The following FGD3 variants were observed in gnomAD, a reference collection of about 807,000 sequenced individuals.
The protein encoded by FGD3 is FYVE, RhoGEF and PH domain-containing protein 3.
Under a neutral mutation model 71.8 loss-of-function variants are expected in FGD3, and 45 were observed. The ratio of observed to expected loss-of-function variants is 0.63; its 90% confidence interval spans 0.49 to 0.80. The LOEUF is 0.80. FGD3 is among the 30% of genes least tolerant of loss of function. The probability of loss-of-function intolerance (pLI) is 0.00; values close to 1 mark genes in which losing one functional copy is unlikely to be tolerated. For missense variants in FGD3, 844 were observed against 951.5 expected, an observed-to-expected ratio of 0.89 and a Z score of 1.49; for synonymous variants, 378 against 392.8, an observed-to-expected ratio of 0.96 and a Z score of 0.44.
At chr9:93,011,637 C>T (rs917175351) in intron 8 of FGD3, among the ~76,000 whole-genome samples, 1 of 152,066 alleles carries the variant, frequency 6.6e-6, no homozygotes, top group Admixed American at 6.5e-5. Flanking sequence ...GCGGGCGGAT[C>T]ATGAGGTCAG....
chr9:92,993,952 G>GT (rs1860526505), intron 3 of FGD3, among the ~76,000 whole-genome samples: 1 of 152,080 alleles, frequency 6.6e-6, no homozygotes, highest in South Asian at 2.1e-4. Flanking sequence ...TTATAGCAGC[G>GT]TGATTTATAA....
intron 11 of FGD3, among the ~76,000 whole-genome samples, chr9:93,019,386 T>C (rs1861826982): frequency 6.6e-6 from 1 of 152,186 alleles, no homozygotes; most frequent in Admixed American, 6.6e-5. Flanking sequence ...CTGCAAGCAG[T>C]GTCCTTGTTT....
chr9:92,987,650 G>T (rs1302921168), intron 3 of FGD3, among the ~76,000 whole-genome samples: 1 of 152,056 alleles, frequency 6.6e-6, no homozygotes, highest in Non-Finnish European at 1.5e-5. Context: ...TTCTGCACTG[G>T]CATGCTTCCA....
chr9:93,029,813 C>T lies in FGD3; in HGVS notation c.1558-61C>T, dbSNP rs148514300. ...GTCACGAGAGCTGCCACTCCACTGC[C>T]GTGTGGGGTAGGGTGCACACATGAT... On this transcript the variant is annotated intron_variant, in intron 14 of 17. Transcript: ENST00000375482. 5,017 of 1,575,390 alleles carry T rather than the reference C, an allele frequency of 3.2e-3. 123 individuals are homozygous for T. The Admixed American group carries it at 0.054, about 17-fold the overall frequency.
chr9:93,002,994 C>A lies in FGD3; in HGVS notation c.523C>A (p.Arg175=). ...GCACACCGAGGAGACCTATGTGAAG[C>A]GGCTGCACCTGCTGGACCAGGTAGC... ...LLHTEETYVK[R]LHLLDQVFCT... The change falls in exon 4 of 18, where the codon CGG becomes AGG. Residue 175 remains arginine, a synonymous_variant. Transcript: ENST00000375482. 1.2e-6 allele frequency: 2 copies of A among 1,614,150 alleles called. No individual in the cohort carries two copies. Among genetic ancestry groups the A allele is most frequent in the Non-Finnish European group, 1.7e-6 (2 of 1,180,036 alleles).
chr9:92,957,677 C>CTTTTT lies in FGD3; in HGVS notation c.-218+9963_-218+9967dup, dbSNP rs60726578. Among the ~76,000 whole-genome samples the CTTTTT allele has an allele frequency of 6.0e-3, 615 of 102,090 alleles. 1 individual carries two copies. The highest frequency in any genetic ancestry group is 0.011 in the Middle Eastern group (2 of 174). The allele number at this position is 102,090 out of a possible 152,430, so 67.0% of individuals were successfully genotyped here. ...TGATTTGTCTTTGAAATTTTCTTTT[C>CTTTTT]TTTTTTTTTTTTTTTTTTTGAGACA... On this transcript the variant is annotated intron_variant, in intron 1 of 17. Transcript: ENST00000375482.
chr9:93,032,491 G>A lies in FGD3; in HGVS notation c.1681-278G>A, dbSNP rs530600845. On this transcript the variant is annotated intron_variant, in intron 15 of 17. Coordinates refer to ENST00000375482, the MANE Select transcript of FGD3 (RefSeq NM_001083536.2). ...TGGGGCATCTTCCCCTGTGCTTGGT[G>A]GCTCTTCACACTCTTCCTCCCACGC... 389 of 386,604 alleles carry A rather than the reference G, an allele frequency of 1.0e-3. 13 individuals are homozygous for A. In the South Asian group the frequency reaches 0.017, roughly 17 times the overall value. 23.9% of individuals were successfully genotyped at this position (386,604 alleles called of 1,614,324 possible). A position where few individuals can be genotyped will look rare whatever the true frequency, so the allele number is the denominator to read the frequency against.
At chr9:92,950,710 A>G (rs7859461) in intron 1 of FGD3, among the ~76,000 whole-genome samples, 49,416 of 152,054 alleles carry the variant, frequency 0.32, 8,424 homozygotes, top group Middle Eastern at 0.43. Context: ...TAGGGCCCTC[A>G]TGAACTGTGG....
intron 3 of FGD3, among the ~76,000 whole-genome samples, chr9:92,997,548 G>A (rs1860695016): frequency 2.6e-5 from 4 of 152,198 alleles, no homozygotes. Flanking sequence ...CTCGTTAGTT[G>A]ATGCAGTTTC....
chr9:92,985,192 C>T (rs1186963160), intron 3 of FGD3, among the ~76,000 whole-genome samples: 1 of 152,222 alleles, frequency 6.6e-6, no homozygotes, highest in Non-Finnish European at 1.5e-5. Context: ...GCTTCCCACG[C>T]CAATGGCAGT....
chr9:93,020,005 G>A (rs1314990577), intron 12 of FGD3, 144 bp downstream of exon 12: 3 of 860,584 alleles, frequency 3.5e-6, no homozygotes, highest in African/African-American at 3.4e-5. Context: ...TGACCACACT[G>A]TGCCTTCATA....
intron 3 of FGD3, among the ~76,000 whole-genome samples, chr9:92,994,656 TG>T (rs1184967323): frequency 1.3e-5 from 2 of 152,212 alleles, no homozygotes; most frequent in Non-Finnish European, 2.9e-5. Flanking sequence ...TTGTATAAGA[TG>T]TAAGGAAGGG....
chr9:92,959,706 C>CA (rs10658844), intron 1 of FGD3, among the ~76,000 whole-genome samples: 6,826 of 80,494 alleles, frequency 0.085, 566 homozygotes, highest in East Asian at 0.32. Flanking sequence ...AACTCAGTCT[C>CA]AAAAAAAAAA....
chr9:92,974,281 T>G (rs1023759001), intron 1 of FGD3, among the ~76,000 whole-genome samples: 1 of 152,220 alleles, frequency 6.6e-6, no homozygotes, highest in Admixed American at 6.5e-5. Context: ...CTGCCATGTT[T>G]GACCTCTGGA....
At chr9:93,019,942 GGGCCCTGGCCTCCGGGACTGCT>G in intron 12 of FGD3, 81 bp downstream of exon 12, 1 of 1,492,168 alleles carries the variant, frequency 6.7e-7, no homozygotes, top group Non-Finnish European at 9.4e-7. Context: ...CAGAGGGTGG[GGGCCCTGGCCTCCGGGACTGCT>G]GGCCCTGTGC....
chr9:92,972,698 T>G, intron 1 of FGD3, among the ~76,000 whole-genome samples: 1 of 152,110 alleles, frequency 6.6e-6, no homozygotes, highest in Admixed American at 6.5e-5. Flanking sequence ...ATATTTTTTT[T>G]GTCCACCCCT....
intron 3 of FGD3, among the ~76,000 whole-genome samples, chr9:92,982,327 A>G (rs750877607): frequency 7.9e-5 from 12 of 152,280 alleles, no homozygotes; most frequent in Non-Finnish European, 1.5e-4. Context: ...TCATATTTTT[A>G]TGACTCAGTA....
chr9:93,010,293 G>C lies in FGD3; in HGVS notation c.885G>C (p.Glu295Asp). ...GNLTLQHHML[E>D]PVQRVPRYEL... Reference sequence around the variant, plus strand: ...TGACGCTGCAGCACCACATGCTGGAGCCCGTGCAGAGGGTCCCCCGGTACG... The same window carrying C: ...TGACGCTGCAGCACCACATGCTGGACCCCGTGCAGAGGGTCCCCCGGTACG... Residue 295 changes from glutamate (E) to aspartate (D), a missense_variant, in exon 7 of 18, where the codon GAG (glutamate) becomes GAC (aspartate). By Grantham distance (45) the Glu-to-Asp change is conservative. Transcript: ENST00000375482. The C allele has an allele frequency of 6.2e-7, 1 of 1,613,744 alleles. No homozygotes were observed. Among genetic ancestry groups the C allele is most frequent in the Non-Finnish European group, 8.5e-7 (1 of 1,179,680 alleles).
chr9:92,976,273 G>T lies in FGD3; in HGVS notation c.17G>T (p.Gly6Val), dbSNP rs753209952. ...GCTTTAAGGATGGAGTCAGGCAGGG[G>T]GTCCTCAACCCCTCCAGGACCCATT... MESGRGSSTPPGPIAA... is the reference protein window; with the variant it reads MESGRVSSTPPGPIAA... The change falls in exon 3 of 18, where the codon GGG becomes GTG. Residue 6 changes from glycine to valine, a missense_variant. Physicochemically the swap from Gly to Val is moderately radical, Grantham distance 109. Coordinates refer to ENST00000375482, the MANE Select transcript of FGD3 (RefSeq NM_001083536.2). 4.7e-5 allele frequency: 75 copies of T among 1,586,020 alleles called. No homozygotes were observed. In the East Asian group the frequency reaches 1.6e-3, roughly 34 times the overall value.
Sources: gnomAD v4.1 joint callset for allele counts (sites outside exome capture counted in the v4.1 genomes callset) on GRCh38, gnomAD v4.1.1 for gene constraint, MANE v1.5 for transcripts, NCBI Gene and HGNC (gene_info 2026-07-23, HGNC 2026-07-21) for gene names.